The following ARB2A variants were observed in gnomAD, a reference collection of about 807,000 sequenced individuals.
ARB2A encodes the protein ARB2 cotranscriptional regulator A, also known as cotranscriptional regulator ARB2A.
At chr5:94,045,559 G>A in the ARB2A span, among the ~76,000 whole-genome samples, 1 of 151,968 alleles carries the variant, frequency 6.6e-6, no homozygotes, top group Non-Finnish European at 1.5e-5. Context: ...CTTAGAAACA[G>A]GAAAATTATC....
the ARB2A span, among the ~76,000 whole-genome samples, chr5:94,043,717 C>T: frequency 1.3e-5 from 2 of 152,100 alleles, no homozygotes; most frequent in African/African-American, 2.4e-5. Flanking sequence ...TATCTTGGGA[C>T]CTCAAAAGGA....
chr5:93,819,345 G>T, the ARB2A span, among the ~76,000 whole-genome samples: 2 of 151,974 alleles, frequency 1.3e-5, no homozygotes, highest in African/African-American at 4.8e-5. Context: ...GATCATTTGG[G>T]CAAAATGAGA....
the ARB2A span, among the ~76,000 whole-genome samples, chr5:93,814,563 T>C: frequency 2.2e-3 from 332 of 152,340 alleles, 1 homozygote; most frequent in Non-Finnish European, 3.9e-3. Context: ...ACAAATTTAC[T>C]GTATGGATCT....
chr5:93,930,677 A>G, the ARB2A span, among the ~76,000 whole-genome samples: 2 of 152,216 alleles, frequency 1.3e-5, no homozygotes, highest in African/African-American at 2.4e-5. Flanking sequence ...GCACAAAAGT[A>G]TAAGAAAAAC....
At chr5:93,622,106 T>A in the ARB2A span, among the ~76,000 whole-genome samples, 24 of 152,222 alleles carry the variant, frequency 1.6e-4, no homozygotes, top group African/African-American at 5.5e-4. Flanking sequence ...AGGAAATACA[T>A]TTAGCTATTT....
the ARB2A span, among the ~76,000 whole-genome samples, chr5:93,658,776 A>G: frequency 6.6e-6 from 1 of 152,096 alleles, no homozygotes. Flanking sequence ...GGAAGCTCAA[A>G]GATAAATTTT....
the ARB2A span, among the ~76,000 whole-genome samples, chr5:93,698,513 A>G: frequency 6.6e-6 from 1 of 152,172 alleles, no homozygotes; most frequent in Non-Finnish European, 1.5e-5. Context: ...GATAGGAAAC[A>G]CCGAGAAGGT....
chr5:93,793,766 AC>A, the ARB2A span, among the ~76,000 whole-genome samples: 1 of 152,194 alleles, frequency 6.6e-6, no homozygotes. Flanking sequence ...GTTACAATCA[AC>A]ATCTGAAGAA....
the ARB2A span, among the ~76,000 whole-genome samples, chr5:94,066,498 A>T: frequency 6.6e-6 from 1 of 151,638 alleles, no homozygotes; most frequent in Non-Finnish European, 1.5e-5. Context: ...TAAAATCAGT[A>T]ATGATAAAGG....
the ARB2A span, among the ~76,000 whole-genome samples, chr5:93,720,877 G>A: frequency 6.6e-6 from 1 of 152,110 alleles, no homozygotes; most frequent in Non-Finnish European, 1.5e-5. Flanking sequence ...CAGACTCACT[G>A]TTTTCTTTTT....
chr5:93,946,326 A>C, the ARB2A span, among the ~76,000 whole-genome samples: 1 of 152,170 alleles, frequency 6.6e-6, no homozygotes, highest in East Asian at 1.9e-4. Context: ...ACAGGGTTCC[A>C]AAAGAGAGTA....
chr5:93,855,050 T>C, the ARB2A span, among the ~76,000 whole-genome samples: 4 of 152,082 alleles, frequency 2.6e-5, no homozygotes, highest in East Asian at 1.9e-4. Flanking sequence ...CTAATGTTGA[T>C]AGTGGGGTGT....
chr5:93,958,759 C>G, the ARB2A span: 1 of 1,464,498 alleles, frequency 6.8e-7, no homozygotes, highest in Non-Finnish European at 9.1e-7. Context: ...AAAAAAAAAC[C>G]CAGGAAATTG....
At chr5:93,664,943 C>T in the ARB2A span, among the ~76,000 whole-genome samples, 1 of 152,076 alleles carries the variant, frequency 6.6e-6, no homozygotes, top group Non-Finnish European at 1.5e-5. Context: ...CCTCCTGCCT[C>T]TGCCTCCCAG....
chr5:93,813,682 GC>G, the ARB2A span, among the ~76,000 whole-genome samples: 1 of 152,150 alleles, frequency 6.6e-6, no homozygotes, highest in Non-Finnish European at 1.5e-5. Context: ...CAGGAAGTAT[GC>G]CCTCACTAGA....
At chr5:93,851,170 C>T in the ARB2A span, among the ~76,000 whole-genome samples, 1 of 151,792 alleles carries the variant, frequency 6.6e-6, no homozygotes, top group Non-Finnish European at 1.5e-5. Flanking sequence ...TTTATTAAAA[C>T]GAGTGAAAAT....
At chr5:93,774,498 A>C in the ARB2A span, among the ~76,000 whole-genome samples, 2 of 152,198 alleles carry the variant, frequency 1.3e-5, no homozygotes, top group Non-Finnish European at 2.9e-5. Context: ...GAAAAATTTG[A>C]GTCATCCATT....
At chr5:93,929,234 T>C in the ARB2A span, among the ~76,000 whole-genome samples, 1 of 152,142 alleles carries the variant, frequency 6.6e-6, no homozygotes, top group Non-Finnish European at 1.5e-5. Flanking sequence ...GATTCAGAGA[T>C]GTCAAAAGCG....
chr5:93,881,754 T>A, the ARB2A span: 1 of 1,171,584 alleles, frequency 8.5e-7, no homozygotes, highest in East Asian at 2.7e-5. Context: ...TTCAAAAAAG[T>A]TCTTAAAATT....
Sources: gnomAD v4.1 joint callset for allele counts (sites outside exome capture counted in the v4.1 genomes callset) on GRCh38, gnomAD v4.1.1 for gene constraint, MANE v1.5 for transcripts, NCBI Gene and HGNC (gene_info 2026-07-23, HGNC 2026-07-21) for gene names.